The following GOLGA1 variants were observed in gnomAD, a reference collection of about 807,000 sequenced individuals.
GOLGA1 encodes the protein golgin subfamily A member 1.
GOLGA1 carries 63 observed loss-of-function variants against 119.7 expected under a neutral mutation model. The ratio of observed to expected loss-of-function variants is 0.53; its 90% CI spans 0.43 to 0.65. The LOEUF (loss-of-function observed/expected upper bound fraction) is 0.65. GOLGA1 is among the 30% of genes least tolerant of loss of function. GOLGA1 has a pLI of 0.00. For missense variants in GOLGA1, 798 were observed against 912.8 expected (o/e 0.87, Z 1.62); for synonymous variants, 318 against 333.4 (o/e 0.95, Z 0.50).
chr9:124,922,619 G>A (rs1830593959), intron 8 of GOLGA1, among the ~76,000 whole-genome samples: 1 of 151,682 alleles, frequency 6.6e-6, no homozygotes. Context: ...AGGCATGGTG[G>A]CACACACCTA....
At chr9:124,917,208 T>C (rs1184453782) in intron 10 of GOLGA1, among the ~76,000 whole-genome samples, 1 of 152,134 alleles carries the variant, frequency 6.6e-6, no homozygotes, top group Admixed American at 6.5e-5. Context: ...AGGAATGGGA[T>C]GGAATAGTGA....
In GOLGA1 at chr9:124,920,098, T is replaced by TA. The variant is rs1302960601; in HGVS notation, c.843+1030dup. Among the ~76,000 whole-genome samples the TA allele has an allele frequency of 3.3e-5, 5 of 152,114 alleles. No homozygotes were observed. In the East Asian group the frequency reaches 9.7e-4, roughly 29 times the overall value. On this transcript the variant is annotated intron_variant, in intron 10 of 22. Transcript: ENST00000373555. Reference sequence around the variant, plus strand: ...GCCTCAGCCTCCCAAGTACTGGAATTACAGGTGCACGCCACCACACCCAGC... The same window carrying TA: ...GCCTCAGCCTCCCAAGTACTGGAATTAACAGGTGCACGCCACCACACCCAGC...
chr9:124,892,900 C>T (rs1207841267), intron 15 of GOLGA1, among the ~76,000 whole-genome samples: 1 of 150,108 alleles, frequency 6.7e-6, no homozygotes, highest in African/African-American at 2.5e-5. Context: ...CCATTGCACT[C>T]CAGCCTGGGC....
intron 8 of GOLGA1, among the ~76,000 whole-genome samples, chr9:124,922,446 G>A (rs1408737796): frequency 1.3e-5 from 2 of 151,192 alleles, no homozygotes; most frequent in Non-Finnish European, 2.9e-5. Flanking sequence ...AGCTACTCGG[G>A]AGGCTTAGGT....
chr9:124,908,603 A>G, intron 11 of GOLGA1, 131 bp from the exon 12 acceptor site: 1 of 645,556 alleles, frequency 1.5e-6, no homozygotes, highest in Non-Finnish European at 2.8e-6. Context: ...AATTCAGCTA[A>G]TTGAGAAATA....
At chr9:124,917,798 C>G (rs1830480219) in intron 10 of GOLGA1, among the ~76,000 whole-genome samples, 1 of 152,086 alleles carries the variant, frequency 6.6e-6, no homozygotes, top group Non-Finnish European at 1.5e-5. Flanking sequence ...AGCACTGTAT[C>G]GAGTGTTACT....
intron 3 of GOLGA1, among the ~76,000 whole-genome samples, 176 bp downstream of exon 3, chr9:124,938,401 T>G (rs1830923794): frequency 6.6e-6 from 1 of 151,934 alleles, no homozygotes; most frequent in Non-Finnish European, 1.5e-5. Flanking sequence ...ATAGAGTACC[T>G]TAACATTTAC....
Position 124,881,773 on chromosome 9 carries a change from A to G in GOLGA1, c.2136+11T>C. The G allele has an allele frequency of 1.3e-6, 2 of 1,598,512 alleles. No individual in the cohort carries two copies. Among genetic ancestry groups the G allele is most frequent in the Non-Finnish European group, 1.7e-6 (2 of 1,170,334 alleles). The stretch of plus-strand genomic sequence containing the variant: ...CCTCAATACCCAAAAGACACCTCAA[A>G]AGCCCTTTACCTCGGATTCGCGACA... On this transcript the variant is annotated intron_variant, in intron 21 of 22. Transcript: ENST00000373555. This position sits in a 1 kb window ranked among gnomAD's most constrained non-coding sequence, Gnocchi z 4.9.
chr9:124,926,738 A>G lies in GOLGA1; in HGVS notation c.403T>C (p.Trp135Arg). The change falls in exon 7 of 23, where the codon TGG (tryptophan) becomes CGG (arginine). Residue 135 changes from tryptophan (W) to arginine (R), a missense_variant. Trp to Arg is a moderately radical substitution (Grantham distance 101). Transcript: ENST00000373555. ...ALALARKDQE[W>R]SEKMDQLEKE... is the part of the protein sequence containing the mutation. Reference sequence around the variant, plus strand: ...TCAAGCTGATCCATCTTTTCTGACCATTCCTAAAACAAAACAATAAAAAAG... The same window carrying G: ...TCAAGCTGATCCATCTTTTCTGACCGTTCCTAAAACAAAACAATAAAAAAG... 8.9e-6 allele frequency: 14 copies of G among 1,564,896 alleles called. No individual in the cohort carries two copies. The highest frequency in any genetic ancestry group is 1.1e-5 in the Non-Finnish European group (13 of 1,138,218).
chr9:124,904,274 G>C (rs1434879952), intron 12 of GOLGA1, among the ~76,000 whole-genome samples: 6 of 152,122 alleles, frequency 3.9e-5, no homozygotes, highest in African/African-American at 9.7e-5. Flanking sequence ...TTCCCAGACT[G>C]GGGTAGGAGG....
At position 124,881,850 on chromosome 9, in the gene GOLGA1, G is replaced by A. The variant is rs754020272; in HGVS notation, c.2070C>T (p.Ala690=). ...SVTNNTDLTD[A]REINFEYLKH... ...TAAGGTACTCAAAGTTGATCTCGCG[G>A]GCATCTGTCAGGTCAGTGTTATTCG... The change falls in exon 21 of 23, where the codon GCC becomes GCT. Residue 690 remains alanine, a synonymous_variant. Transcript: ENST00000373555. The surrounding 1 kb of genome is among the most constrained non-coding windows in gnomAD (Gnocchi z 4.9). 2 of 1,613,124 alleles carry A rather than the reference G, an allele frequency of 1.2e-6. No individual in the cohort carries two copies. Among genetic ancestry groups the A allele is most frequent in the Middle Eastern group, 1.6e-4 (1 of 6,062 alleles).
intron 12 of GOLGA1, among the ~76,000 whole-genome samples, chr9:124,905,545 G>C (rs948468670): frequency 1.3e-5 from 2 of 152,100 alleles, no homozygotes; most frequent in Admixed American, 1.3e-4. Context: ...TTTCCTTTAA[G>C]ACTGGGAACA....
rs544478447 is a variant in GOLGA1, at chr9:124,901,296, G to A, written c.1066-749C>T. ...TATTTTTTTTTTTTTTTTTGAGATG[G>A]AGTGTCACTCTGTCATCAGGCTGGA... On this transcript the variant is annotated intron_variant, in intron 12 of 22. Coordinates refer to ENST00000373555, the MANE Select transcript of GOLGA1 (RefSeq NM_002077.4). Among the ~76,000 whole-genome samples the A allele has an allele frequency of 5.5e-4, 76 of 136,992 alleles. 3 individuals carry two copies. The South Asian group carries it at 0.017, about 31-fold the overall frequency. 89.9% of individuals were successfully genotyped at this position (136,992 alleles called of 152,430 possible). A position where few individuals can be genotyped will look rare whatever the true frequency, so the allele number is the denominator to read the frequency against.
At chr9:124,947,618 A>G (rs1831167685) in intron 1 of GOLGA1, 1 of 152,226 alleles carries the variant, frequency 6.6e-6, no homozygotes, top group Non-Finnish European at 1.5e-5. Flanking sequence ...GTATCACTGC[A>G]TACCAATATA....
chr9:124,939,127 T>C (rs1830942164), intron 2 of GOLGA1, among the ~76,000 whole-genome samples: 2 of 152,056 alleles, frequency 1.3e-5, no homozygotes, highest in South Asian at 4.1e-4. Context: ...AGGACTCTGA[T>C]TCACAAATCT....
upstream of GOLGA1, chr9:124,945,686 A>C (rs1435511666): frequency 6.6e-6 from 1 of 152,234 alleles, no homozygotes; most frequent in Non-Finnish European, 1.5e-5. Flanking sequence ...AATTAAAGGC[A>C]TATCACCCTA....
At chr9:124,899,808 T>C (rs944064705) in intron 13 of GOLGA1, among the ~76,000 whole-genome samples, 15 of 152,264 alleles carry the variant, frequency 9.9e-5, no homozygotes, top group African/African-American at 3.6e-4. Context: ...GAAATTATAC[T>C]GGGGAGGCAG....
At chr9:124,915,813 AAAAT>A (rs1445448472) in intron 10 of GOLGA1, among the ~76,000 whole-genome samples, 2 of 150,828 alleles carry the variant, frequency 1.3e-5, no homozygotes, top group Admixed American at 6.6e-5. Flanking sequence ...TAGATAAAAT[AAAAT>A]AAATGGCAGG....
chr9:124,921,765 A>G lies in GOLGA1; in HGVS notation c.689T>C (p.Leu230Pro), dbSNP rs890981986. ...TGAGTAGTGTCTCTGCAATTCTTCT[A>G]GCTTCTGGCTTAAGTCTGATGACAT... ...NQMSSDLSQK[L>P]EELQRHYSTL... is the part of the protein sequence containing the mutation. The change falls in exon 9 of 23, where the codon CTA (leucine) becomes CCA (proline). Residue 230 changes from leucine (L) to proline (P), a missense_variant. Transcript: ENST00000373555. The G allele has an allele frequency of 6.8e-6, 11 of 1,613,870 alleles. No individual in the cohort carries two copies. Among genetic ancestry groups the G allele is most frequent in the Non-Finnish European group, 8.5e-6 (10 of 1,179,858 alleles).
Sources: gnomAD v4.1 joint callset for allele counts (sites outside exome capture counted in the v4.1 genomes callset) on GRCh38, gnomAD v4.1.1 for gene constraint, Gnocchi (gnomAD v3.1) non-coding constraint, MANE v1.5 for transcripts, NCBI Gene and HGNC (gene_info 2026-07-23, HGNC 2026-07-21) for gene names.